Variants in EPYC observed in about 807,000 individuals in gnomAD.
The protein encoded by EPYC is epiphycan, also known as dermatan sulfate proteoglycan 3.
Under a neutral mutation model 30.1 loss-of-function variants are expected in EPYC, and 28 were observed. The ratio of observed to expected loss-of-function variants is 0.93; its 90% CI spans 0.69 to 1.28. EPYC has a LOEUF of 1.28. EPYC is among the 50% of genes most tolerant of loss of function. The probability of loss-of-function intolerance (pLI) is 0.00; values close to 1 mark genes in which losing one functional copy is unlikely to be tolerated. For synonymous variants in EPYC, 144 were observed against 141.4 expected (o/e 1.02, Z -0.13); for missense variants, 382 against 383.5 (o/e 1.00, Z 0.03).
chr12:90,981,104 A>G (rs966103702), intron 2 of EPYC, among the ~76,000 whole-genome samples: 3 of 152,160 alleles, frequency 2.0e-5, no homozygotes, highest in Non-Finnish European at 4.4e-5. Flanking sequence ...TGTGTCCATG[A>G]AACAGTATAT....
intron 2 of EPYC, among the ~76,000 whole-genome samples, chr12:90,985,898 G>C (rs1330509414): frequency 6.6e-6 from 1 of 152,142 alleles, no homozygotes; most frequent in African/African-American, 2.4e-5. Context: ...GGACACTGGT[G>C]TGGCTTTCTC....
At chr12:90,995,270 A>G (rs1877671966) in intron 2 of EPYC, among the ~76,000 whole-genome samples, 2 of 152,126 alleles carry the variant, frequency 1.3e-5, no homozygotes, top group Admixed American at 1.3e-4. Flanking sequence ...CTTTCAGTTC[A>G]GAAGGATCAT....
intron 2 of EPYC, among the ~76,000 whole-genome samples, chr12:90,990,746 C>T (rs1401514049): frequency 6.6e-6 from 1 of 152,052 alleles, no homozygotes; most frequent in Non-Finnish European, 1.5e-5. Context: ...TCCAAGGGAT[C>T]GAACTCTTTA....
rs553073425 is a variant in EPYC, at chr12:90,973,606, G to C, written c.341-626C>G. ...GGAAGTCATGGAAGGCATCTCTGAAGTGAAAGCTGAGCTGAGATCAGCAGA... is the reference window on the plus strand; with the variant it reads ...GGAAGTCATGGAAGGCATCTCTGAACTGAAAGCTGAGCTGAGATCAGCAGA... On this transcript the variant is annotated intron_variant, in intron 3 of 6. Coordinates refer to ENST00000261172, the MANE Select transcript of EPYC (RefSeq NM_004950.5). Among the ~76,000 whole-genome samples the C allele has an allele frequency of 2.6e-5, 4 of 152,316 alleles. No individual in the cohort carries two copies. In the East Asian group the frequency reaches 7.7e-4, roughly 29 times the overall value.
chr12:90,968,652 G>A (rs1374272915), intron 6 of EPYC, among the ~76,000 whole-genome samples: 1 of 152,058 alleles, frequency 6.6e-6, no homozygotes, highest in Non-Finnish European at 1.5e-5. Context: ...TGTAAAAGCT[G>A]TTACTTTAAA....
At chr12:90,995,203 T>C (rs917552875) in intron 2 of EPYC, among the ~76,000 whole-genome samples, 9 of 152,102 alleles carry the variant, frequency 5.9e-5, no homozygotes, top group African/African-American at 2.2e-4. Flanking sequence ...TGAAAATAGA[T>C]GAGGAAGAAA....
intron 5 of EPYC, among the ~76,000 whole-genome samples, chr12:90,970,896 A>C (rs1420295953): frequency 2.6e-5 from 4 of 152,192 alleles, no homozygotes; most frequent in Non-Finnish European, 5.9e-5. Context: ...TTCAGTGTAC[A>C]CTGAGAGGGG....
chr12:91,004,430 T>G (rs1467203043), intron 1 of EPYC, among the ~76,000 whole-genome samples: 1 of 152,124 alleles, frequency 6.6e-6, no homozygotes, highest in Non-Finnish European at 1.5e-5. Context: ...ATGTAGTTTC[T>G]TAATTAACAC....
intron 2 of EPYC, among the ~76,000 whole-genome samples, chr12:90,989,151 G>A (rs1433937290): frequency 1.3e-5 from 2 of 151,910 alleles, no homozygotes; most frequent in African/African-American, 4.8e-5. Flanking sequence ...TCAATTTTAA[G>A]GGATGACTAA....
chr12:91,002,367 T>C (rs761859988), intron 2 of EPYC, 34 bp downstream of exon 2: 9 of 1,591,816 alleles, frequency 5.7e-6, no homozygotes, highest in Non-Finnish European at 7.7e-6. Flanking sequence ...CATCCTATGC[T>C]TTTTAAAGTT....
intron 2 of EPYC, among the ~76,000 whole-genome samples, chr12:90,996,238 G>T (rs1013873068): frequency 6.6e-6 from 1 of 151,696 alleles, no homozygotes; most frequent in Non-Finnish European, 1.5e-5. Context: ...AAAAACTAAT[G>T]TTAAGATACT....
At chr12:90,979,012 T>A (rs1920787) in intron 2 of EPYC, among the ~76,000 whole-genome samples, 100,649 of 152,042 alleles carry the variant, frequency 0.66, 36,133 homozygotes, top group East Asian at 0.8. Flanking sequence ...TTCAAAGGTT[T>A]TTTTTTATAT....
chr12:90,968,044 C>T (rs1876944633), intron 6 of EPYC, among the ~76,000 whole-genome samples: 1 of 152,012 alleles, frequency 6.6e-6, no homozygotes, highest in Non-Finnish European at 1.5e-5. Context: ...CCTATTTCTC[C>T]TTTCATTTCT....
chr12:90,970,799 A>G (rs910092735), intron 5 of EPYC, among the ~76,000 whole-genome samples: 1 of 152,160 alleles, frequency 6.6e-6, no homozygotes, highest in Non-Finnish European at 1.5e-5. Flanking sequence ...ATTTGCCACC[A>G]CCCAGTGGTT....
At chr12:90,976,671 A>T (rs1390284090) in intron 3 of EPYC, among the ~76,000 whole-genome samples, 1 of 152,056 alleles carries the variant, frequency 6.6e-6, no homozygotes, top group Admixed American at 6.6e-5. Flanking sequence ...TTCTCATAAG[A>T]CCTGTAATAC....
At chr12:90,983,621 G>A (rs1877377543) in intron 2 of EPYC, among the ~76,000 whole-genome samples, 2 of 152,098 alleles carry the variant, frequency 1.3e-5, no homozygotes, top group African/African-American at 4.8e-5. Flanking sequence ...CTGCAGCCAT[G>A]CGAGGAACTC....
chr12:90,964,878 G>A (rs1474017808), intron 6 of EPYC, among the ~76,000 whole-genome samples: 1 of 152,042 alleles, frequency 6.6e-6, no homozygotes, highest in East Asian at 1.9e-4. Context: ...TTTAAACCTA[G>A]GTTTATTTAC....
intron 6 of EPYC, among the ~76,000 whole-genome samples, chr12:90,967,889 G>C (rs1432797376): frequency 6.6e-6 from 1 of 152,100 alleles, no homozygotes; most frequent in Non-Finnish European, 1.5e-5. Flanking sequence ...AAAATTGCTT[G>C]AGCCCAGGTG....
chr12:90,980,611 C>T (rs1488080908), intron 2 of EPYC, among the ~76,000 whole-genome samples: 1 of 152,068 alleles, frequency 6.6e-6, no homozygotes, highest in African/African-American at 2.4e-5. Context: ...GAAACAAGAC[C>T]ACCTGGCCTT....
Sources: gnomAD v4.1 joint callset for allele counts (sites outside exome capture counted in the v4.1 genomes callset) on GRCh38, gnomAD v4.1.1 for gene constraint, MANE v1.5 for transcripts, NCBI Gene and HGNC (gene_info 2026-07-23, HGNC 2026-07-21) for gene names.